The following TAFA2 variants were observed in gnomAD, a reference collection of about 807,000 sequenced individuals.
The protein encoded by TAFA2 is chemokine-like protein TAFA-2.
Under a neutral mutation model 18.8 loss-of-function variants are expected in TAFA2, and 7 were observed. The observed-to-expected ratio is 0.37, with a 90% CI of 0.21 to 0.70. The LOEUF is 0.70. Among genes scored for constraint, TAFA2 ranks in the 30% least tolerant of loss-of-function variants. The pLI, the probability that TAFA2 is intolerant of heterozygous loss-of-function variation, is 0.53. For missense variants in TAFA2, 122 were observed against 158.1 expected, an observed-to-expected ratio of 0.77 and a Z score of 1.23; for synonymous variants, 60 against 54.2, an observed-to-expected ratio of 1.11 and a Z score of -0.47.
intron 1 of TAFA2, among the ~76,000 whole-genome samples, chr12:61,901,883 G>T (rs182311396): frequency 6.6e-6 from 1 of 152,008 alleles, no homozygotes; most frequent in Non-Finnish European, 1.5e-5. Flanking sequence ...AATGGGTTCT[G>T]TTTCTTTGAA....
intron 1 of TAFA2, among the ~76,000 whole-genome samples, chr12:62,248,970 T>A (rs1320544659): frequency 6.6e-6 from 1 of 152,182 alleles, no homozygotes; most frequent in African/African-American, 2.4e-5. Context: ...GTCTGAAGAA[T>A]GTGAGAGATG....
chr12:62,224,048 T>C (rs1264031769), intron 1 of TAFA2, among the ~76,000 whole-genome samples: 2 of 151,268 alleles, frequency 1.3e-5, no homozygotes, highest in Non-Finnish European at 2.9e-5. Context: ...CATCAATGGA[T>C]GAATGAATAA....
intron 1 of TAFA2, among the ~76,000 whole-genome samples, chr12:62,080,298 G>T (rs950920114): frequency 6.6e-6 from 1 of 152,136 alleles, no homozygotes; most frequent in Non-Finnish European, 1.5e-5. Context: ...TACCTGATTC[G>T]GTCAGGCTTA....
intron 1 of TAFA2, among the ~76,000 whole-genome samples, chr12:62,082,754 C>T (rs1276291735): frequency 1.3e-5 from 2 of 152,120 alleles, no homozygotes; most frequent in African/African-American, 2.4e-5. Flanking sequence ...TAACCAGTCA[C>T]CAACTCATCA....
intron 2 of TAFA2, among the ~76,000 whole-genome samples, chr12:61,859,103 G>T (rs1180192136): frequency 6.6e-6 from 1 of 152,202 alleles, no homozygotes; most frequent in African/African-American, 2.4e-5. Context: ...AAAGGAAAGA[G>T]GTTTAATTGA....
chr12:62,251,032 T>G (rs983363869), intron 1 of TAFA2, among the ~76,000 whole-genome samples: 1 of 152,158 alleles, frequency 6.6e-6, no homozygotes, highest in Non-Finnish European at 1.5e-5. Context: ...ACTAGGACTT[T>G]GGGTGTTTTG....
intron 2 of TAFA2, among the ~76,000 whole-genome samples, chr12:61,793,397 A>T (rs2359993): frequency 0.5 from 74,841 of 150,958 alleles, 18,673 homozygotes; most frequent in Admixed American, 0.56. Flanking sequence ...GAAAAAAAAA[A>T]CTCCATAAGA....
chr12:61,729,051 G>C (rs1334793699), intron 4 of TAFA2, among the ~76,000 whole-genome samples: 1 of 149,190 alleles, frequency 6.7e-6, no homozygotes, highest in Non-Finnish European at 1.5e-5. Context: ...TTTCATTTAA[G>C]AAGGCTAAAA....
chr12:61,963,609 T>C (rs1479385342), intron 1 of TAFA2, among the ~76,000 whole-genome samples: 1 of 152,004 alleles, frequency 6.6e-6, no homozygotes, highest in Non-Finnish European at 1.5e-5. Context: ...CTTTGTCAGA[T>C]GGATTGCAAA....
intron 4 of TAFA2, chr12:61,721,037 G>A (rs939330803): frequency 7.2e-5 from 32 of 444,894 alleles, no homozygotes; most frequent in South Asian, 8.1e-5. Flanking sequence ...AGACAATAAT[G>A]TCCTTTACCT....
chr12:61,728,032 GTT>G (rs71083954), intron 4 of TAFA2, among the ~76,000 whole-genome samples: 23,525 of 128,372 alleles, frequency 0.18, 2,296 homozygotes, highest in African/African-American at 0.28. Context: ...TTTGAGGGTT[GTT>G]TTTTTTTTTT....
At chr12:62,049,709 C>T (rs1592305147) in intron 1 of TAFA2, among the ~76,000 whole-genome samples, 1 of 152,002 alleles carries the variant, frequency 6.6e-6, no homozygotes, top group African/African-American at 2.4e-5. Context: ...CAGAAGGCTA[C>T]AAAAACCGAG....
intron 1 of TAFA2, among the ~76,000 whole-genome samples, chr12:62,019,638 G>C (rs1881057184): frequency 6.7e-6 from 1 of 148,948 alleles, no homozygotes; most frequent in African/African-American, 2.5e-5. Flanking sequence ...CATGGACACA[G>C]GAAGGGGAAC....
At chr12:62,113,056 A>ATTTTGGAATTCAGGATTCAG (rs1869802643) in intron 1 of TAFA2, among the ~76,000 whole-genome samples, 2 of 152,092 alleles carry the variant, frequency 1.3e-5, no homozygotes, top group Admixed American at 6.5e-5. Context: ...TTGAAGGAGA[A>ATTTTGGAATTCAGGATTCAG]GAGGGATTCT....
intron 1 of TAFA2, among the ~76,000 whole-genome samples, chr12:62,112,472 T>G (rs1348356255): frequency 6.6e-6 from 1 of 152,172 alleles, no homozygotes; most frequent in Non-Finnish European, 1.5e-5. Flanking sequence ...GTCTTGGGAT[T>G]GCTCTTCTCA....
chr12:62,191,172 A>G (rs1479915122), intron 1 of TAFA2, 87 bp downstream of exon 1: 1 of 151,290 alleles, frequency 6.6e-6, no homozygotes, highest in Non-Finnish European at 1.5e-5. Flanking sequence ...AGACGTGTGC[A>G]CACGGGGGCT....
intron 2 of TAFA2, among the ~76,000 whole-genome samples, chr12:61,802,840 A>C (rs1871453489): frequency 6.6e-6 from 1 of 152,076 alleles, no homozygotes; most frequent in Non-Finnish European, 1.5e-5. Context: ...GTATTGGAAT[A>C]TCACTCTATA....
At position 61,990,434 on chromosome 12, in the gene TAFA2, G is replaced by A. The variant is rs545810337; in HGVS notation, c.-1-123008C>T. 6.2e-4 allele frequency among the ~76,000 whole-genome samples: 90 copies of A among 144,468 alleles called. 1 individual carries two copies. The highest frequency in any genetic ancestry group is 1.1e-3 in the Non-Finnish European group (72 of 67,224). 94.8% of individuals were successfully genotyped at this position (144,468 alleles called of 152,430 possible). A position where few individuals can be genotyped will look rare whatever the true frequency, so the allele number is the denominator to read the frequency against. ...GGCTCACTGCAAGCTCTGCCTCCCGGGTTCACACCATTCTCCTGCCTCAGC... is the reference window on the plus strand; with the variant it reads ...GGCTCACTGCAAGCTCTGCCTCCCGAGTTCACACCATTCTCCTGCCTCAGC... On this transcript the variant is annotated intron_variant, in intron 1 of 4. Coordinates refer to ENST00000416284, the MANE Select transcript of TAFA2 (RefSeq NM_178539.5).
intron 2 of TAFA2, among the ~76,000 whole-genome samples, chr12:61,816,525 T>A (rs1387658119): frequency 5.3e-5 from 8 of 151,374 alleles, no homozygotes; most frequent in African/African-American, 2.0e-4. Context: ...TATATTCCCC[T>A]GAGTATATAC....
Sources: allele counts gnomAD v4.1 joint callset (sites outside exome capture counted in the v4.1 genomes callset), GRCh38; gene constraint gnomAD v4.1.1; transcripts MANE v1.5; gene names NCBI Gene and HGNC (gene_info 2026-07-23, HGNC 2026-07-21).